ASAP1: variants seen among roughly 807,000 people sequenced by gnomAD.
ASAP1 encodes ArfGAP with SH3 domain, ankyrin repeat and PH domain 1, also known as arf-GAP with SH3 domain, ANK repeat and PH domain-containing protein 1.
Under a neutral mutation model 145.2 loss-of-function variants are expected in ASAP1, and 43 were observed. That is an observed-to-expected ratio of 0.30 (90% CI 0.23 to 0.38). The LOEUF (loss-of-function observed/expected upper bound fraction) is 0.38, where lower values mean the gene tolerates loss of function less well. Ranked by LOEUF, ASAP1 falls within the 10% of genes least tolerant of loss-of-function variation. ASAP1 has a pLI of 1.00. For missense variants in ASAP1, 1,018 were observed against 1,355.3 expected (o/e 0.75, Z 3.91); for synonymous variants, 546 against 515.5 (o/e 1.06, Z -0.80).
intron 7 of ASAP1, among the ~76,000 whole-genome samples, chr8:130,182,831 C>CAAAAAAAAAAAAAAAAAAAAAAAAAAGA (rs35195899): frequency 1.4e-5 from 1 of 73,596 alleles, no homozygotes; most frequent in African/African-American, 5.9e-5. Flanking sequence ...TATAAAAAGG[C>CAAAAAAAAAAAAAAAAAAAAAAAAAAGA]AAAAAAAAAA....
Position 130,112,157 on chromosome 8 carries a change from T to C in ASAP1, c.2338A>G (p.Thr780Ala). The C allele has an allele frequency of 6.2e-7, 1 of 1,614,128 alleles. No individual in the cohort carries two copies. Among genetic ancestry groups the C allele is most frequent in the Non-Finnish European group, 8.5e-7 (1 of 1,180,028 alleles). ...GTGGTTGGTGATGTGGGCGAGTCTG[T>C]GCTTGTGGAAACGAAGATCTGGTTG... ...FTNQIFVSTS[T>A]DSPTSPTTEA... The change falls in exon 24 of 30, where the codon ACA (threonine) becomes GCA (alanine). Residue 780 changes from threonine (T) to alanine (A), a missense_variant. Coordinates refer to ENST00000518721, the MANE Select transcript of ASAP1 (RefSeq NM_018482.4).
chr8:130,368,295 T>G (rs1827055130), intron 2 of ASAP1, among the ~76,000 whole-genome samples: 1 of 152,010 alleles, frequency 6.6e-6, no homozygotes, highest in South Asian at 2.1e-4. Flanking sequence ...TCATGGGGGG[T>G]TTTGTGTGAA....
chr8:130,140,060 T>C (rs2097606506), intron 13 of ASAP1, among the ~76,000 whole-genome samples: 1 of 148,780 alleles, frequency 6.7e-6, no homozygotes, highest in Non-Finnish European at 1.5e-5. Flanking sequence ...TGAGATAGGG[T>C]CTCGCTTTGT....
At chr8:130,192,520 C>G (rs72722372) in intron 5 of ASAP1, among the ~76,000 whole-genome samples, 5,292 of 152,226 alleles carry the variant, frequency 0.035, 126 homozygotes, top group Middle Eastern at 0.065. Flanking sequence ...CAATTTCATT[C>G]TTGGAGTACA....
Position 130,060,711 on chromosome 8 carries a change from C to A in ASAP1, c.3060G>T (p.Lys1020Asn). The change falls in exon 28 of 30, where the codon AAG (lysine) becomes AAT (asparagine). Residue 1020 changes from lysine to asparagine, a missense_variant. Physicochemically the swap from Lys to Asn is moderately conservative, Grantham distance 94. Transcript: ENST00000518721. ...KAQQPSEVTL[K>N]SHPLDLSPNV... is the part of the protein sequence containing the mutation. Reference sequence around the variant, plus strand: ...TTGGGGATAGATCCAATGGGTGTGACTTCAGTGTGACCTCAGAGGGTTGCT... The same window carrying A: ...TTGGGGATAGATCCAATGGGTGTGAATTCAGTGTGACCTCAGAGGGTTGCT... 3 of 1,614,176 alleles carry A rather than the reference C, an allele frequency of 1.9e-6. No homozygotes were observed. Among genetic ancestry groups the A allele is most frequent in the Non-Finnish European group, 2.5e-6 (3 of 1,180,032 alleles).
intron 4 of ASAP1, among the ~76,000 whole-genome samples, chr8:130,235,469 T>C (rs916180579): frequency 6.6e-6 from 1 of 152,140 alleles, no homozygotes; most frequent in Non-Finnish European, 1.5e-5. Context: ...CTCCTAGTTA[T>C]TTATTTCACT....
chr8:130,330,530 T>C (rs1170660873), intron 3 of ASAP1, among the ~76,000 whole-genome samples: 1 of 152,254 alleles, frequency 6.6e-6, no homozygotes, highest in Non-Finnish European at 1.5e-5. Context: ...TCTGTTACCC[T>C]TCCCTCAGTC....
intron 1 of ASAP1, among the ~76,000 whole-genome samples, chr8:130,441,925 T>C (rs1032976163): frequency 4.6e-5 from 7 of 152,228 alleles, no homozygotes; most frequent in Admixed American, 4.6e-4. Flanking sequence ...GGGTACATTA[T>C]GTGCTAAGAT....
At chr8:130,130,831 C>T (rs1474179930) in intron 15 of ASAP1, among the ~76,000 whole-genome samples, 2 of 152,034 alleles carry the variant, frequency 1.3e-5, no homozygotes, top group East Asian at 1.9e-4. Context: ...ATCGCTCTAG[C>T]CTAGGAGTTC....
chr8:130,218,163 G>A (rs1332369035), intron 4 of ASAP1, among the ~76,000 whole-genome samples: 1 of 151,678 alleles, frequency 6.6e-6, no homozygotes, highest in African/African-American at 2.4e-5. Context: ...CCTTCTGTCT[G>A]AGGCCAAAGA....
At chr8:130,139,135 T>TG (rs1439750398) in intron 13 of ASAP1, among the ~76,000 whole-genome samples, 1 of 151,888 alleles carries the variant, frequency 6.6e-6, no homozygotes, top group African/African-American at 2.4e-5. Flanking sequence ...CTTGGGGAGA[T>TG]GAAGAGATGA....
At chr8:130,264,704 A>C (rs1025112722) in intron 3 of ASAP1, among the ~76,000 whole-genome samples, 1 of 152,168 alleles carries the variant, frequency 6.6e-6, no homozygotes, top group African/African-American at 2.4e-5. Context: ...CCTCATCCTC[A>C]ACCCATGAAT....
rs1300146799 is a variant in ASAP1, at chr8:130,060,744, G to A, written c.3027C>T (p.Pro1009=). The A allele has an allele frequency of 1.9e-6, 3 of 1,614,034 alleles. No homozygotes were observed. The highest frequency in any genetic ancestry group is 2.5e-6 in the Non-Finnish European group (3 of 1,180,034). Residue 1009 remains proline, a synonymous_variant, in exon 28 of 30, where the codon CCC becomes CCT. Transcript: ENST00000518721. ...TGACCTCAGAGGGTTGCTGAGCCTT[G>A]GGTGAGACATCTCCAGTCTGGGATT... The part of the protein sequence containing the change: ...LAKSQTGDVS[P]KAQQPSEVTL...
At chr8:130,152,072 T>C (rs929741850) in intron 13 of ASAP1, among the ~76,000 whole-genome samples, 10 of 152,332 alleles carry the variant, frequency 6.6e-5, no homozygotes, top group Non-Finnish European at 1.5e-4. Flanking sequence ...TCATACAAAA[T>C]TGCCAACATA....
At chr8:130,239,621 T>C (rs777130200) in intron 3 of ASAP1, among the ~76,000 whole-genome samples, 22 of 152,140 alleles carry the variant, frequency 1.4e-4, no homozygotes, top group Non-Finnish European at 2.6e-4. Flanking sequence ...TAAAAATATA[T>C]AAGACATTTA....
chr8:130,290,531 G>A (rs1374076423), intron 3 of ASAP1, among the ~76,000 whole-genome samples: 1 of 152,164 alleles, frequency 6.6e-6, no homozygotes, highest in Non-Finnish European at 1.5e-5. Context: ...CTATTATGGT[G>A]CCTGAGTCTA....
intron 24 of ASAP1, among the ~76,000 whole-genome samples, chr8:130,105,032 A>T (rs1384885481): frequency 6.6e-6 from 1 of 152,192 alleles, no homozygotes; most frequent in Non-Finnish European, 1.5e-5. Context: ...TCACTTTCTA[A>T]TAGTTTTCTT....
intron 25 of ASAP1, among the ~76,000 whole-genome samples, chr8:130,088,095 C>T (rs1165651314): frequency 6.6e-6 from 1 of 152,048 alleles, no homozygotes; most frequent in Non-Finnish European, 1.5e-5. Context: ...GAAAAAGGGT[C>T]TTTGTAAATA....
intron 4 of ASAP1, among the ~76,000 whole-genome samples, chr8:130,232,351 AGGAG>A (rs1376590803): frequency 3.9e-5 from 6 of 152,234 alleles, no homozygotes; most frequent in Non-Finnish European, 8.8e-5. Flanking sequence ...AAAAGGGCGA[AGGAG>A]GGAGAAAATG....
Sources: gnomAD v4.1 joint callset for allele counts (sites outside exome capture counted in the v4.1 genomes callset) on GRCh38, gnomAD v4.1.1 for gene constraint, MANE v1.5 for transcripts, NCBI Gene and HGNC (gene_info 2026-07-23, HGNC 2026-07-21) for gene names.